Variants in RAPGEF4 observed in about 807,000 individuals in gnomAD.
RAPGEF4 encodes the protein RAP guanine-nucleotide-exchange factor (GEF) 4.
A neutral mutation model predicts 147.9 loss-of-function variants in RAPGEF4; 66 were observed. The ratio of observed to expected loss-of-function variants is 0.45; its 90% CI spans 0.37 to 0.55. The LOEUF is 0.55. Among genes scored for constraint, RAPGEF4 ranks in the 20% least tolerant of loss-of-function variants. The probability of loss-of-function intolerance (pLI) is 0.00; values close to 1 mark genes in which losing one functional copy is unlikely to be tolerated. For missense variants in RAPGEF4, 1,071 were observed against 1,257.3 expected (o/e 0.85, Z 2.24); for synonymous variants, 419 against 442.7 (o/e 0.95, Z 0.67).
chr2:172,914,510 T>C (rs1414672448), intron 4 of RAPGEF4, among the ~76,000 whole-genome samples: 1 of 151,176 alleles, frequency 6.6e-6, no homozygotes, highest in Non-Finnish European at 1.5e-5. Flanking sequence ...GAAATATGCA[T>C]TTTAAAATTT....
At chr2:173,037,076 A>C (rs1293291980) in intron 29 of RAPGEF4, among the ~76,000 whole-genome samples, 1 of 152,234 alleles carries the variant, frequency 6.6e-6, no homozygotes, top group Non-Finnish European at 1.5e-5. Context: ...CAGTGCCCGT[A>C]GGTAAAAGGC....
chr2:173,050,108 G>A (rs959557880), intron 30 of RAPGEF4, among the ~76,000 whole-genome samples: 1 of 152,122 alleles, frequency 6.6e-6, no homozygotes, highest in African/African-American at 2.4e-5. Flanking sequence ...AGAAGCCAAG[G>A]GGAAAATGTA....
At chr2:173,018,432 C>T (rs921916252) in intron 21 of RAPGEF4, among the ~76,000 whole-genome samples, 1 of 152,106 alleles carries the variant, frequency 6.6e-6, no homozygotes. Context: ...ATCTCTTGTT[C>T]TTTTAATTGG....
At chr2:172,887,198 AAAAAAAAAAGAAAAAAAG>A (rs916816558) in intron 4 of RAPGEF4, among the ~76,000 whole-genome samples, 3 of 151,986 alleles carry the variant, frequency 2.0e-5, no homozygotes, top group Non-Finnish European at 4.4e-5. Context: ...CGTCTCAAAA[AAAAAAAAAAGAAAAAAAG>A]AAAAAAAAAG....
chr2:172,909,250 G>A (rs755119242), intron 4 of RAPGEF4, among the ~76,000 whole-genome samples: 6 of 152,182 alleles, frequency 3.9e-5, no homozygotes, highest in African/African-American at 7.2e-5. Flanking sequence ...TGTTGCTTGA[G>A]GCATGCATCC....
intron 4 of RAPGEF4, among the ~76,000 whole-genome samples, chr2:172,875,280 T>A (rs995016874): frequency 1.3e-5 from 2 of 152,230 alleles, no homozygotes; most frequent in South Asian, 2.1e-4. Flanking sequence ...TTTTGGCTTT[T>A]GTTGCCATCG....
At chr2:173,010,480 G>A (rs1223507241) in intron 17 of RAPGEF4, among the ~76,000 whole-genome samples, 1 of 152,128 alleles carries the variant, frequency 6.6e-6, no homozygotes, top group Non-Finnish European at 1.5e-5. Flanking sequence ...GCCAGAGACG[G>A]CTTCTTCAAC....
At chr2:172,957,199 C>A (rs1452363738) in intron 6 of RAPGEF4, among the ~76,000 whole-genome samples, 1 of 152,218 alleles carries the variant, frequency 6.6e-6, no homozygotes, top group East Asian at 1.9e-4. Context: ...CATGTATAAA[C>A]CTGCCTCTAG....
intron 26 of RAPGEF4, among the ~76,000 whole-genome samples, chr2:173,032,832 A>G (rs1449437748): frequency 6.6e-6 from 1 of 152,246 alleles, no homozygotes; most frequent in East Asian, 1.9e-4. Flanking sequence ...TGGATTGCAG[A>G]GGCCCAATTG....
chr2:173,030,303 A>G, intron 26 of RAPGEF4, 49 bp downstream of exon 26: 1 of 1,396,962 alleles, frequency 7.2e-7, no homozygotes, highest in Non-Finnish European at 1.0e-6. Flanking sequence ...AGGAATAAAA[A>G]CACAGGCTCA....
chr2:173,017,445 A>T lies in RAPGEF4; in HGVS notation c.1949A>T (p.Gln650Leu). Residue 650 changes from glutamine to leucine, a missense_variant, in exon 21 of 31, where the codon CAG becomes CTG. Transcript: ENST00000397081. The stretch of plus-strand genomic sequence containing the variant: ...TTACAGCACAAGGTTCTTTTGCAAC[A>T]GTTCAATACGGGCGATGAGAGAGCC... ...PQKKHKVLLQ[Q>L]FNTGDERAQK... The T allele has an allele frequency of 6.2e-7, 1 of 1,614,186 alleles. No homozygotes were observed. Among genetic ancestry groups the T allele is most frequent in the Non-Finnish European group, 8.5e-7 (1 of 1,180,026 alleles).
intron 10 of RAPGEF4, among the ~76,000 whole-genome samples, chr2:172,977,035 C>T (rs753885450): frequency 2.6e-5 from 4 of 152,226 alleles, no homozygotes; most frequent in Non-Finnish European, 4.4e-5. Flanking sequence ...TAATATCTCT[C>T]CCTGTGTCAT....
intron 1 of RAPGEF4, among the ~76,000 whole-genome samples, chr2:172,788,821 G>A (rs183347322): frequency 3.1e-4 from 47 of 152,226 alleles, no homozygotes; most frequent in Non-Finnish European, 1.8e-4. Flanking sequence ...TTGAACCCAG[G>A]GGGTCGAGGC....
intron 1 of RAPGEF4, among the ~76,000 whole-genome samples, chr2:172,750,039 T>C (rs1248098938): frequency 6.6e-6 from 1 of 152,146 alleles, no homozygotes; most frequent in African/African-American, 2.4e-5. Flanking sequence ...TTTATATCAT[T>C]ATCAACATTT....
intron 6 of RAPGEF4, among the ~76,000 whole-genome samples, chr2:172,956,148 G>A (rs1306305931): frequency 6.6e-6 from 1 of 152,170 alleles, no homozygotes; most frequent in Non-Finnish European, 1.5e-5. Flanking sequence ...AGGGTTCTGG[G>A]ACACCCTCCA....
intron 4 of RAPGEF4, among the ~76,000 whole-genome samples, chr2:172,897,886 T>TATAGTTG (rs71018524): frequency 6.6e-6 from 1 of 151,350 alleles, no homozygotes; most frequent in East Asian, 1.9e-4. Context: ...TACTGTACTT[T>TATAGTTG]GTAAAGCACT....
At position 172,763,933 on chromosome 2, in the gene RAPGEF4, G is replaced by T. The variant is rs546061654; in HGVS notation, c.65+27885G>T. On this transcript the variant is annotated intron_variant, in intron 1 of 30. Transcript: ENST00000397081. The stretch of plus-strand genomic sequence containing the variant: ...AAAGGGACTCTGTATGCAAATCAAA[G>T]GAAATACTACTTAACCTATAAAAAG... Among the ~76,000 whole-genome samples the T allele has an allele frequency of 2.6e-5, 4 of 152,094 alleles. No homozygotes were observed. In the South Asian group the frequency reaches 8.4e-4, roughly 32 times the overall value.
intron 4 of RAPGEF4, among the ~76,000 whole-genome samples, chr2:172,909,925 T>A (rs2150000017): frequency 1.3e-5 from 2 of 152,278 alleles, no homozygotes; most frequent in South Asian, 4.1e-4. Context: ...TCAGGAGGAT[T>A]TTACAGCGGA....
At chr2:172,990,102 T>G (rs1692681598) in intron 14 of RAPGEF4, among the ~76,000 whole-genome samples, 1 of 152,112 alleles carries the variant, frequency 6.6e-6, no homozygotes, top group African/African-American at 2.4e-5. Flanking sequence ...GAATTTGAGT[T>G]GGTTCTTATC....
Sources: allele counts gnomAD v4.1 joint callset (sites outside exome capture counted in the v4.1 genomes callset), GRCh38; gene constraint gnomAD v4.1.1; transcripts MANE v1.5; gene names NCBI Gene and HGNC (gene_info 2026-07-23, HGNC 2026-07-21).